The following ANO3 variants were observed in gnomAD, a reference collection of about 807,000 sequenced individuals.
The protein encoded by ANO3 is anoctamin-3.
ANO3 carries 99 observed loss-of-function variants against 144.8 expected under a neutral mutation model. The ratio of observed to expected loss-of-function variants is 0.68; its 90% CI spans 0.58 to 0.81. The LOEUF is 0.81. Ranked by LOEUF, ANO3 falls within the 30% of genes least tolerant of loss-of-function variation. The pLI is 0.00. For synonymous variants in ANO3, 414 were observed against 392.6 expected (o/e 1.05, Z -0.64); for missense variants, 905 against 1,202.2 (o/e 0.75, Z 3.66).
intron 1 of ANO3, among the ~76,000 whole-genome samples, chr11:26,393,046 A>G (rs1170547202): frequency 6.6e-6 from 1 of 152,186 alleles, no homozygotes; most frequent in East Asian, 1.9e-4. Flanking sequence ...TGCTGTTAAT[A>G]TGCAGAAAGG....
intron 4 of ANO3, among the ~76,000 whole-genome samples, chr11:26,490,188 G>C (rs1204857863): frequency 6.6e-6 from 1 of 152,270 alleles, no homozygotes; most frequent in East Asian, 1.9e-4. Context: ...AATAAGTCTC[G>C]TGAGATCTGA....
intron 3 of ANO3, among the ~76,000 whole-genome samples, chr11:26,457,152 C>A (rs1859195796): frequency 6.7e-6 from 1 of 150,140 alleles, no homozygotes; most frequent in Non-Finnish European, 1.5e-5. Context: ...GTGCAGCGCA[C>A]CAGCATGGCA....
At chr11:26,406,946 A>G (rs562253270) in intron 1 of ANO3, among the ~76,000 whole-genome samples, 1 of 147,250 alleles carries the variant, frequency 6.8e-6, no homozygotes, top group Non-Finnish European at 1.5e-5. Context: ...ACATCTGTGT[A>G]TATATACATA....
At chr11:26,469,795 A>G (rs1040192321) in intron 4 of ANO3, among the ~76,000 whole-genome samples, 2 of 151,996 alleles carry the variant, frequency 1.3e-5, no homozygotes, top group Non-Finnish European at 2.9e-5. Context: ...CAGATATTAT[A>G]ATGTAATTTA....
In ANO3 at chr11:26,322,124, A is replaced by AT. The variant is rs566151904; in HGVS notation, c.-3+12412dup. ...ATCTTTCCTTCAGTTTATGTACCGC[A>AT]TTTTTTTAGCTGCAAAACCATGGTA... is the stretch of plus-strand genomic sequence containing the variant. On this transcript the variant is annotated intron_variant, in intron 1 of 26. Transcript: ENST00000525139. Among the ~76,000 whole-genome samples the AT allele has an allele frequency of 1.0e-3, 155 of 152,078 alleles. 3 individuals are homozygous for AT. In the East Asian group the frequency reaches 0.02, roughly 20 times the overall value.
intron 1 of ANO3, among the ~76,000 whole-genome samples, chr11:26,368,511 G>C (rs1856156162): frequency 6.6e-6 from 1 of 152,010 alleles, no homozygotes; most frequent in Admixed American, 6.6e-5. Context: ...TGGAATAATA[G>C]TACCTTTGAC....
chr11:26,220,553 C>A (rs1852121833), intron 1 of ANO3, among the ~76,000 whole-genome samples: 2 of 152,214 alleles, frequency 1.3e-5, no homozygotes, highest in Admixed American at 1.3e-4. Context: ...TTAGAGCAAT[C>A]TGTTGTCTAA....
At chr11:26,605,749 C>G (rs1446640526) in intron 17 of ANO3, among the ~76,000 whole-genome samples, 1 of 151,830 alleles carries the variant, frequency 6.6e-6, no homozygotes, top group Non-Finnish European at 1.5e-5. Context: ...TCTTCTCTGA[C>G]GGTAGTTTGT....
chr11:26,564,757 A>AGTT, intron 14 of ANO3, among the ~76,000 whole-genome samples: 1 of 82,672 alleles, frequency 1.2e-5, no homozygotes, highest in Non-Finnish European at 2.5e-5. Flanking sequence ...ATATATATAT[A>AGTT]TATATATATA....
At chr11:26,543,182 G>A (rs1480462733) in intron 11 of ANO3, among the ~76,000 whole-genome samples, 1 of 152,070 alleles carries the variant, frequency 6.6e-6, no homozygotes, top group Non-Finnish European at 1.5e-5. Flanking sequence ...TCTGAAACAA[G>A]CTATGACCTT....
intron 1 of ANO3, chr11:26,208,234 G>A (rs67523310): frequency 0.3 from 45,934 of 152,150 alleles, 7,636 homozygotes; most frequent in Non-Finnish European, 0.37. Context: ...GGAGTGGGCC[G>A]GGCACTGTGG....
chr11:26,497,984 G>A (rs973397860), intron 4 of ANO3, among the ~76,000 whole-genome samples: 1 of 151,896 alleles, frequency 6.6e-6, no homozygotes, highest in Non-Finnish European at 1.5e-5. Flanking sequence ...TACAGATTGG[G>A]TTTAAGTAGA....
At chr11:26,228,517 T>C (rs1223383245) in intron 1 of ANO3, among the ~76,000 whole-genome samples, 1 of 152,146 alleles carries the variant, frequency 6.6e-6, no homozygotes, top group African/African-American at 2.4e-5. Context: ...CACAGATCAG[T>C]GTAGGATATT....
chr11:26,394,630 T>G (rs1026888983), intron 1 of ANO3, among the ~76,000 whole-genome samples: 11 of 145,768 alleles, frequency 7.5e-5, no homozygotes, highest in Non-Finnish European at 1.6e-4. Context: ...CAGACCGGAA[T>G]ACAGTGGCGT....
At chr11:26,657,902 C>T (rs1853744191) in intron 26 of ANO3, among the ~76,000 whole-genome samples, 1 of 151,988 alleles carries the variant, frequency 6.6e-6, no homozygotes, top group Non-Finnish European at 1.5e-5. Flanking sequence ...AATATTTTCC[C>T]CATTCTATCA....
chr11:26,227,788 A>G (rs1000121627), intron 1 of ANO3, among the ~76,000 whole-genome samples: 2 of 152,168 alleles, frequency 1.3e-5, no homozygotes, highest in Non-Finnish European at 2.9e-5. Context: ...ATCCATTTCC[A>G]GTTGTGTGTG....
chr11:26,346,843 T>C (rs1333241732), intron 1 of ANO3, among the ~76,000 whole-genome samples: 2 of 152,188 alleles, frequency 1.3e-5, no homozygotes, highest in Admixed American at 6.5e-5. Flanking sequence ...AAGAAATAAC[T>C]GGCTGTCATC....
chr11:26,504,573 GA>G (rs35878655), intron 4 of ANO3, among the ~76,000 whole-genome samples: 91,011 of 151,788 alleles, frequency 0.6, 27,974 homozygotes, highest in East Asian at 0.68. Context: ...CAGATGCTAA[GA>G]AAAAAAGATA....
At chr11:26,237,661 T>G (rs945420742) in intron 1 of ANO3, among the ~76,000 whole-genome samples, 1 of 152,012 alleles carries the variant, frequency 6.6e-6, no homozygotes, top group Admixed American at 6.6e-5. Context: ...ATAATGGAAG[T>G]GAAGAACATT....
Sources: gnomAD v4.1 joint callset for allele counts (sites outside exome capture counted in the v4.1 genomes callset) on GRCh38, gnomAD v4.1.1 for gene constraint, MANE v1.5 for transcripts, NCBI Gene and HGNC (gene_info 2026-07-23, HGNC 2026-07-21) for gene names.